The following HYDIN variants were observed in gnomAD, a reference collection of about 807,000 sequenced individuals.
HYDIN encodes HYDIN axonemal central pair apparatus protein.
A neutral mutation model predicts 403.9 loss-of-function variants in HYDIN; 132 were observed. The ratio of observed to expected loss-of-function variants is 0.33; its 90% CI spans 0.28 to 0.38. HYDIN has a LOEUF of 0.38. HYDIN is among the 10% of genes least tolerant of loss of function. The probability of loss-of-function intolerance (pLI) is 1.00; values close to 1 mark genes in which losing one functional copy is unlikely to be tolerated. For missense variants in HYDIN, 2,827 were observed against 5,009.5 expected (o/e 0.56, Z 13.15); for synonymous variants, 1,202 against 1,891.7 (o/e 0.64, Z 9.46).
At chr16:71,004,319 A>C (rs1046784829) in intron 23 of HYDIN, among the ~76,000 whole-genome samples, 1 of 149,776 alleles carries the variant, frequency 6.7e-6, no homozygotes, top group Non-Finnish European at 1.5e-5. Flanking sequence ...CATTTCAAAA[A>C]AAAAAAAAAA....
At chr16:71,073,125 A>G (rs2082521094) in intron 13 of HYDIN, among the ~76,000 whole-genome samples, 1 of 152,280 alleles carries the variant, frequency 6.6e-6, no homozygotes, top group Non-Finnish European at 1.5e-5. Context: ...GTCCCTCAGA[A>G]CAAGCAGACT....
At position 70,908,428 on chromosome 16, in the gene HYDIN, A is replaced by G; in HGVS notation, c.8220T>C (p.Asn2740=). The G allele has an allele frequency of 8.9e-7, 1 of 1,119,370 alleles. No individual in the cohort carries two copies. Among genetic ancestry groups the G allele is most frequent in the Non-Finnish European group, 1.3e-6 (1 of 793,342 alleles). 69.3% of individuals were successfully genotyped at this position (1,119,370 alleles called of 1,614,324 possible). A position where few individuals can be genotyped will look rare whatever the true frequency, so the allele number is the denominator to read the frequency against. ...TGGCTGGCACGATCCACCGGAAGTG[A>G]TTCAGTCTGCAAATGACCACACAGG... is the stretch of plus-strand genomic sequence containing the variant. ...QHSQEKFTRL[N]HFRWIVPANG... The change falls in exon 49 of 86, where the codon AAT becomes AAC. Residue 2740 remains asparagine (N), a synonymous_variant. Transcript: ENST00000393567.
intron 41 of HYDIN, among the ~76,000 whole-genome samples, chr16:70,947,728 AC>A (rs201648009): frequency 0.019 from 2,847 of 152,258 alleles, 97 homozygotes; most frequent in African/African-American, 0.064. Flanking sequence ...AGAATAAAAT[AC>A]CTAGGAATCC....
At chr16:70,901,383 A>G (rs1050253324) in intron 52 of HYDIN, among the ~76,000 whole-genome samples, 181 bp from the exon 53 acceptor site, 28 of 151,320 alleles carry the variant, frequency 1.9e-4, no homozygotes, top group Admixed American at 9.2e-4. Flanking sequence ...CTAGTACCCA[A>G]TAGTTATTTT....
intron 80 of HYDIN, among the ~76,000 whole-genome samples, chr16:70,831,529 C>CAAAA (rs57465488): frequency 1.1e-5 from 1 of 91,562 alleles, no homozygotes; most frequent in Non-Finnish European, 2.3e-5. Context: ...AAAAAAAAAC[C>CAAAA]AAAAAAAAAA....
chr16:70,909,167 G>A (rs1798481), intron 47 of HYDIN, among the ~76,000 whole-genome samples: 1 of 151,258 alleles, frequency 6.6e-6, no homozygotes, highest in Non-Finnish European at 1.5e-5. Flanking sequence ...GTACCACTAA[G>A]CCAGTTATCC....
intron 85 of HYDIN, 50 bp from the exon 86 acceptor site, chr16:70,808,112 A>G (rs1213303711): frequency 6.5e-7 from 1 of 1,546,248 alleles, no homozygotes; most frequent in Non-Finnish European, 8.7e-7. Flanking sequence ...TGAAGAGCAC[A>G]CCAGGAGCTC....
At chr16:71,024,302 C>A (rs1357608699) in intron 21 of HYDIN, among the ~76,000 whole-genome samples, 1 of 152,218 alleles carries the variant, frequency 6.6e-6, no homozygotes, top group Non-Finnish European at 1.5e-5. Context: ...TCGAGCCCTT[C>A]ATGTGAGCTA....
chr16:71,172,473 A>G (rs1283144068), intron 5 of HYDIN, among the ~76,000 whole-genome samples: 1 of 152,338 alleles, frequency 6.6e-6, no homozygotes, highest in South Asian at 2.1e-4. Flanking sequence ...TCTACAGTAT[A>G]TGATAGGTAC....
Position 70,981,514 on chromosome 16 carries a change from C to T in HYDIN, c.4387G>A (p.Val1463Ile). The T allele has an allele frequency of 6.2e-7, 1 of 1,613,568 alleles. No homozygotes were observed. Among genetic ancestry groups the T allele is most frequent in the East Asian group, 2.2e-5 (1 of 44,848 alleles). The change falls in exon 29 of 86, where the codon GTA (valine) becomes ATA (isoleucine). Residue 1463 changes from valine to isoleucine, a missense_variant. Transcript: ENST00000393567. ...QVLKVYYLPG[V>I]PEVFKRSFQI... ...AAACTCCTTTTAAAGACCTCAGGTA[C>T]TCCAGGTAGGTAGTAAACTTTTAAT... is the stretch of plus-strand genomic sequence containing the variant.
In HYDIN at chr16:70,872,019, T is replaced by C. The variant is rs1032955625; in HGVS notation, c.11091+18A>G. ...AGGACTAAGGGATTCCAAAAAATGA[T>C]GAATGACTTTTATTTACCTGTGGGG... On this transcript the variant is annotated intron_variant, in intron 65 of 85. Coordinates refer to ENST00000393567, the MANE Select transcript of HYDIN (RefSeq NM_001270974.2). 7.5e-6 allele frequency: 12 copies of C among 1,609,160 alleles called. No individual in the cohort carries two copies. In the African/African-American group the frequency reaches 1.5e-4, roughly 20 times the overall value.
At chr16:71,021,917 G>T (rs2080509324) in intron 21 of HYDIN, among the ~76,000 whole-genome samples, 1 of 152,216 alleles carries the variant, frequency 6.6e-6, no homozygotes, top group East Asian at 1.9e-4. Flanking sequence ...CTTGGCTCGA[G>T]CCTCATGCCT....
At chr16:70,992,940 C>T (rs1469528839) in intron 23 of HYDIN, among the ~76,000 whole-genome samples, 1 of 152,238 alleles carries the variant, frequency 6.6e-6, no homozygotes, top group African/African-American at 2.4e-5. Context: ...CCCCTTGGTG[C>T]ATGGCTTCTT....
intron 18 of HYDIN, among the ~76,000 whole-genome samples, chr16:71,047,508 A>T (rs2081492074): frequency 6.6e-6 from 1 of 152,070 alleles, no homozygotes; most frequent in Non-Finnish European, 1.5e-5. Flanking sequence ...AAGTCTCTTA[A>T]TACTATTATT....
rs569572806 is a variant in HYDIN at position 71,129,954 on chromosome 16, G to A, written c.1044-131C>T. On this transcript the variant is annotated intron_variant, in intron 8 of 85. Transcript: ENST00000393567. ...CTGGGGTGGTCCCTCCTTGCCCTGA[G>A]TCTGTAACCTGCTGCCCTTGCACTC... 352 of 901,150 alleles carry A rather than the reference G, an allele frequency of 3.9e-4. No individual in the cohort carries two copies. In the African/African-American group the frequency reaches 5.6e-3, roughly 14 times the overall value. 55.8% of individuals were successfully genotyped at this position (901,150 alleles called of 1,614,324 possible).
At chr16:71,009,667 A>G (rs1213161770) in intron 23 of HYDIN, among the ~76,000 whole-genome samples, 1 of 150,406 alleles carries the variant, frequency 6.6e-6, no homozygotes, top group African/African-American at 2.5e-5. Flanking sequence ...ATCCTGGAGT[A>G]TATGAGTCAG....
intron 1 of HYDIN, among the ~76,000 whole-genome samples, chr16:71,221,589 G>T (rs2089204192): frequency 2.6e-5 from 4 of 151,676 alleles, no homozygotes. Context: ...ACAAGAACCA[G>T]CAAAAACATC....
intron 41 of HYDIN, among the ~76,000 whole-genome samples, chr16:70,949,669 A>G (rs1438802477): frequency 2.0e-5 from 3 of 152,174 alleles, no homozygotes; most frequent in East Asian, 3.9e-4. Flanking sequence ...AAGAAGACCA[A>G]TCGCCATCTC....
chr16:70,854,492 G>A (rs534559294), intron 73 of HYDIN, among the ~76,000 whole-genome samples: 1 of 152,164 alleles, frequency 6.6e-6, no homozygotes, highest in South Asian at 2.1e-4. Flanking sequence ...TCAGCTCATT[G>A]CAACCTATGC....
Sources: gnomAD v4.1 joint callset for allele counts (sites outside exome capture counted in the v4.1 genomes callset) on GRCh38, gnomAD v4.1.1 for gene constraint, MANE v1.5 for transcripts, NCBI Gene and HGNC (gene_info 2026-07-23, HGNC 2026-07-21) for gene names.